The following EVC2 variants were observed in gnomAD, a reference collection of about 807,000 sequenced individuals.
EVC2 encodes EvC ciliary complex subunit 2, also known as limbin.
A neutral mutation model predicts 149.3 loss-of-function variants in EVC2; 148 were observed. The observed-to-expected ratio is 0.99, with a 90% CI of 0.87 to 1.14. EVC2 has a LOEUF of 1.14. EVC2 is among the 50% of genes most tolerant of loss of function. EVC2 has a pLI of 0.00. For synonymous variants in EVC2, 776 were observed against 649.9 expected (o/e 1.19, Z -2.95); for missense variants, 1,854 against 1,627.3 (o/e 1.14, Z -2.40).
chr4:5,675,816 T>C (rs1719946550), intron 7 of EVC2, among the ~76,000 whole-genome samples: 1 of 152,074 alleles, frequency 6.6e-6, no homozygotes, highest in Non-Finnish European at 1.5e-5. Flanking sequence ...TGGTGGTGGG[T>C]GCCTGTAATC....
intron 13 of EVC2, among the ~76,000 whole-genome samples, chr4:5,623,905 C>G (rs557745877): frequency 1.3e-5 from 2 of 152,308 alleles, no homozygotes; most frequent in South Asian, 2.1e-4. Context: ...ACACATACAT[C>G]TCTTAGAAAA....
intron 20 of EVC2, among the ~76,000 whole-genome samples, chr4:5,568,231 C>G (rs902415834): frequency 1.7e-4 from 22 of 132,524 alleles, no homozygotes; most frequent in Admixed American, 4.6e-4. Flanking sequence ...TCTTTTTATG[C>G]ATTTTTTTTT....
At position 5,673,035 on chromosome 4, in the gene EVC2, G is replaced by A. The variant is rs139795039; in HGVS notation, c.871-7386C>T. On this transcript the variant is annotated intron_variant, in intron 7 of 21. Transcript: ENST00000344408. The stretch of plus-strand genomic sequence containing the variant: ...ACCAATGGGTACCAAGTTTCCTTTC[G>A]GAGTGGGGAAAATGTTCTGTAAGCA... Among the ~76,000 whole-genome samples, 10 of 152,292 alleles carry A rather than the reference G, an allele frequency of 6.6e-5. No homozygotes were observed. In the East Asian group the frequency reaches 9.6e-4, roughly 15 times the overall value.
chr4:5,568,543 G>T lies in EVC2; in HGVS notation c.3458C>A (p.Pro1153His). The change falls in exon 20 of 22, where the codon CCT becomes CAT. Residue 1153 changes from proline (P) to histidine (H), a missense_variant. Coordinates refer to ENST00000344408, the MANE Select transcript of EVC2 (RefSeq NM_147127.5). ...CGAATCCAGCAGGGCCAGCAGCTGAGGCTGTGAGGCTGTGGGCAGTACCAC... is the reference window on the plus strand; with the variant it reads ...CGAATCCAGCAGGGCCAGCAGCTGATGCTGTGAGGCTGTGGGCAGTACCAC... ...LSVVLPTASQPQLLALLDSAT... is the reference protein window; with the variant it reads ...LSVVLPTASQHQLLALLDSAT... The T allele has an allele frequency of 6.2e-7, 1 of 1,602,752 alleles. No homozygotes were observed. Among genetic ancestry groups the T allele is most frequent in the South Asian group, 1.1e-5 (1 of 88,762 alleles).
Position 5,689,267 on chromosome 4 carries a change from T to G in EVC2, c.596A>C (p.Asn199Thr). 6.2e-7 allele frequency: 1 copy of G among 1,613,664 alleles called. No homozygotes were observed. The highest frequency in any genetic ancestry group is 8.5e-7 in the Non-Finnish European group (1 of 1,179,924). ...GTCCAGCAAGAGCAGCTCCGAGAGG[T>G]TGGCTGACGAGGTTGTCTTGGTGTT... is the stretch of plus-strand genomic sequence containing the variant. Reference protein sequence around the residue: ...VNNTKTTSSANLSELLLLDSI... With the variant: ...VNNTKTTSSATLSELLLLDSI... The change falls in exon 5 of 22, where the codon AAC (asparagine) becomes ACC (threonine). Residue 199 changes from asparagine to threonine, a missense_variant. Transcript: ENST00000344408.
At chr4:5,651,918 C>G (rs573230807) in intron 9 of EVC2, among the ~76,000 whole-genome samples, 3 of 152,322 alleles carry the variant, frequency 2.0e-5, no homozygotes, top group Admixed American at 6.5e-5. Flanking sequence ...TCCATGACAA[C>G]CTTGCATATA....
intron 21 of EVC2, 43 bp downstream of exon 21, chr4:5,565,215 G>T: frequency 3.1e-6 from 5 of 1,595,782 alleles, no homozygotes; most frequent in Non-Finnish European, 4.3e-6. Flanking sequence ...AGGCAGCTTA[G>T]CTCACCCCCT....
chr4:5,688,284 C>T (rs7696114), intron 5 of EVC2, among the ~76,000 whole-genome samples: 3 of 151,814 alleles, frequency 2.0e-5, no homozygotes, highest in Non-Finnish European at 4.4e-5. Flanking sequence ...CGATGTGTGC[C>T]GTGAGTACGG....
chr4:5,685,479 A>G lies in EVC2; in HGVS notation c.707T>C (p.Val236Ala), dbSNP rs764307512. The change falls in exon 6 of 22, where the codon GTG (valine) becomes GCG (alanine). Residue 236 changes from valine (V) to alanine (A), a missense_variant and splice_region_variant. Coordinates refer to ENST00000344408, the MANE Select transcript of EVC2 (RefSeq NM_147127.5). ...FQAFSKKFLQVGDAFAVSYAA... is the reference protein window; with the variant it reads ...FQAFSKKFLQAGDAFAVSYAA... The stretch of plus-strand genomic sequence containing the variant: ...GTAGCTGACAGCAAAGGCATCTCCC[A>G]CTGCGCAGAGAAAAGCACATGTGAC... 1.9e-5 allele frequency: 31 copies of G among 1,613,872 alleles called. No individual in the cohort carries two copies. The highest frequency in any genetic ancestry group is 1.6e-4 in the Middle Eastern group (1 of 6,084).
intron 7 of EVC2, among the ~76,000 whole-genome samples, chr4:5,675,572 C>A (rs1157626459): frequency 6.6e-6 from 1 of 152,202 alleles, no homozygotes; most frequent in Non-Finnish European, 1.5e-5. Context: ...TTTTCAAAAC[C>A]TTCCCATCTG....
chr4:5,599,627 C>G (rs1010883146), intron 16 of EVC2, among the ~76,000 whole-genome samples: 2 of 152,016 alleles, frequency 1.3e-5, no homozygotes, highest in Non-Finnish European at 2.9e-5. Context: ...TGCGAAATGA[C>G]GAGTTAATGG....
chr4:5,647,526 G>T (rs994311218), intron 9 of EVC2, among the ~76,000 whole-genome samples: 8 of 152,132 alleles, frequency 5.3e-5, no homozygotes, highest in African/African-American at 1.9e-4. Flanking sequence ...TGCAACGAGC[G>T]CTTTGCAGGT....
chr4:5,579,302 T>G (rs956602129), intron 17 of EVC2, among the ~76,000 whole-genome samples: 1 of 152,192 alleles, frequency 6.6e-6, no homozygotes, highest in Non-Finnish European at 1.5e-5. Flanking sequence ...AAGCCTCAGC[T>G]CTTTCATCTG....
chr4:5,615,652 C>A, intron 15 of EVC2, 108 bp from the exon 16 acceptor site: 2 of 1,491,032 alleles, frequency 1.3e-6, no homozygotes. Context: ...GCTCCCAGAA[C>A]TGCAAAACTC....
At chr4:5,648,306 C>G (rs1717875400) in intron 9 of EVC2, among the ~76,000 whole-genome samples, 1 of 152,158 alleles carries the variant, frequency 6.6e-6, no homozygotes, top group African/African-American at 2.4e-5. Flanking sequence ...CTCCAGAACT[C>G]TAAGATTCAT....
intron 16 of EVC2, among the ~76,000 whole-genome samples, chr4:5,606,451 T>C (rs1260279432): frequency 6.6e-6 from 1 of 152,180 alleles, no homozygotes; most frequent in East Asian, 1.9e-4. Flanking sequence ...TTAGTCTTGA[T>C]TAAACGCAGC....
At chr4:5,604,778 C>T (rs571031490) in intron 16 of EVC2, among the ~76,000 whole-genome samples, 2 of 152,058 alleles carry the variant, frequency 1.3e-5, no homozygotes, top group East Asian at 3.9e-4. Flanking sequence ...ATTATACATC[C>T]TATGTATGTA....
chr4:5,634,209 A>G (rs1413633333), intron 10 of EVC2, among the ~76,000 whole-genome samples: 1 of 152,258 alleles, frequency 6.6e-6, no homozygotes, highest in Non-Finnish European at 1.5e-5. Context: ...TGATTTTATA[A>G]CAAAGGATTA....
At chr4:5,665,465 C>T in intron 8 of EVC2, 50 bp downstream of exon 8, 1 of 1,613,220 alleles carries the variant, frequency 6.2e-7, no homozygotes, top group African/African-American at 1.3e-5. Context: ...GGGGGATGAA[C>T]TTCAACCTCA....
Sources: allele counts gnomAD v4.1 joint callset (sites outside exome capture counted in the v4.1 genomes callset), GRCh38; gene constraint gnomAD v4.1.1; transcripts MANE v1.5; gene names NCBI Gene and HGNC (gene_info 2026-07-23, HGNC 2026-07-21).